The following FAM234A variants were observed in gnomAD, a reference collection of about 807,000 sequenced individuals.
The protein encoded by FAM234A is protein FAM234A.
A neutral mutation model predicts 49.1 loss-of-function variants in FAM234A; 42 were observed. That is an observed-to-expected ratio of 0.86 (90% confidence interval 0.67 to 1.11). FAM234A has a LOEUF of 1.11. FAM234A is among the 50% of genes least tolerant of loss of function. FAM234A has a pLI of 0.00. For missense variants in FAM234A, 815 were observed against 745.2 expected, an observed-to-expected ratio of 1.09 and a Z score of -1.09; for synonymous variants, 369 against 316.2, an observed-to-expected ratio of 1.17 and a Z score of -1.77.
intron 2 of FAM234A, among the ~76,000 whole-genome samples, chr16:251,900 G>T (rs1863240991): frequency 6.6e-6 from 1 of 150,666 alleles, no homozygotes; most frequent in Admixed American, 6.6e-5. Context: ...CTATTCGGGA[G>T]GCTGAGGCAG....
chr16:249,241 C>T (rs2050914920), intron 1 of FAM234A, among the ~76,000 whole-genome samples: 1 of 151,894 alleles, frequency 6.6e-6, no homozygotes, highest in African/African-American at 2.4e-5. Flanking sequence ...CAGGAGATGT[C>T]TGGCCATCAT....
chr16:236,774 C>T (rs1386853915), intron 1 of FAM234A, among the ~76,000 whole-genome samples: 28 of 127,874 alleles, frequency 2.2e-4, no homozygotes, highest in African/African-American at 6.2e-4. Context: ...GGCGAGGTGG[C>T]GGGCGCCTGT....
At position 262,224 on chromosome 16, in the gene FAM234A, CG is replaced by C. The variant is rs749863745; in HGVS notation, c.841+1del. On this transcript the variant is annotated frameshift_variant and splice_region_variant, in exon 7 of 13. Transcript: ENST00000399932. LOFTEE classifies it high-confidence loss of function. ...GTGCCCACTACATCCTCTTTCCCTG[CG>C]GTACGTTGTTTCTGCCACATCCCTG... ...TGAHYILFPC[A>X]SSLCGCSVKG... 1 of 1,613,612 alleles carries C rather than the reference CG, an allele frequency of 6.2e-7. No homozygotes were observed. The highest frequency in any genetic ancestry group is 1.3e-5 in the African/African-American group (1 of 74,944).
intron 9 of FAM234A, 58 bp downstream of exon 9, chr16:263,460 A>G (rs1178527473): frequency 1.3e-6 from 2 of 1,590,684 alleles, no homozygotes; most frequent in Non-Finnish European, 1.7e-6. Context: ...CATCCCGGGC[A>G]CATCCCGTTG....
intron 1 of FAM234A, among the ~76,000 whole-genome samples, chr16:238,787 G>GAAAAAA (rs1384872718): frequency 3.9e-5 from 3 of 76,236 alleles, no homozygotes; most frequent in Non-Finnish European, 8.0e-5. Flanking sequence ...AAAAAAAAAA[G>GAAAAAA]AAAAAAAAAA....
chr16:265,567 C>T lies in FAM234A; in HGVS notation c.*545C>T. ...GGAACCTGAGACAGCTCCAGCTTCG[C>T]AGCCCTTCCCGGAGCTACAGGGGGA... On this transcript the variant is annotated 3_prime_UTR_variant, in exon 13 of 13. Transcript: ENST00000399932. 1.0e-6 allele frequency: 1 copy of T among 985,888 alleles called. No homozygotes were observed. The highest frequency in any genetic ancestry group is 1.2e-6 in the Non-Finnish European group (1 of 830,286). 61.1% of individuals were successfully genotyped at this position (985,888 alleles called of 1,614,324 possible).
chr16:248,846 C>A (rs2050903412), intron 1 of FAM234A, among the ~76,000 whole-genome samples: 1 of 151,984 alleles, frequency 6.6e-6, no homozygotes, highest in Non-Finnish European at 1.5e-5. Flanking sequence ...GTCTCAAACT[C>A]CTAGGCTCAA....
chr16:269,884 G>A, downstream of FAM234A: 2 of 351,652 alleles, frequency 5.7e-6, no homozygotes, highest in Middle Eastern at 8.1e-4. Context: ...ATGGCTCCGT[G>A]TGCCCCACAG....
chr16:250,468 C>G (rs765956784), intron 2 of FAM234A, among the ~76,000 whole-genome samples: 1 of 151,980 alleles, frequency 6.6e-6, no homozygotes, highest in African/African-American at 2.4e-5. Flanking sequence ...GGTCCTTGGT[C>G]GCGACTCATT....
chr16:240,535 T>A (rs2050576216), intron 1 of FAM234A, among the ~76,000 whole-genome samples: 1 of 151,226 alleles, frequency 6.6e-6, no homozygotes, highest in African/African-American at 2.4e-5. Context: ...AGAGTCTTGC[T>A]CTTGTTGCCA....
rs57782738 is a variant in FAM234A at position 250,097 on chromosome 16, A to G, written c.-34+443A>G. 5.1e-3 allele frequency among the ~76,000 whole-genome samples: 783 copies of G among 152,236 alleles called. 42 individuals are homozygous for G. In the East Asian group the frequency reaches 0.11, roughly 22 times the overall value. ...TAGGCGCATGCCGCCACACCCAGCT[A>G]ATTTTTTGTATTCTTAGTAGAGACG... On this transcript the variant is annotated intron_variant, in intron 2 of 12. Transcript: ENST00000399932.
chr16:246,282 G>A (rs1364364763), intron 1 of FAM234A, among the ~76,000 whole-genome samples: 4 of 148,660 alleles, frequency 2.7e-5, no homozygotes, highest in Non-Finnish European at 5.9e-5. Context: ...TTGATTGGTG[G>A]ATTTTTTTTT....
chr16:253,106 G>T (rs771147208), intron 2 of FAM234A, among the ~76,000 whole-genome samples: 3 of 152,224 alleles, frequency 2.0e-5, no homozygotes, highest in Admixed American at 6.5e-5. Flanking sequence ...CTCAGGCTGG[G>T]TGGTGGTGGT....
At position 254,687 on chromosome 16, in the gene FAM234A, C is replaced by G. The variant is rs1173856845; in HGVS notation, c.268+6C>G. On this transcript the variant is annotated splice_donor_region_variant and intron_variant, in intron 3 of 12. Transcript: ENST00000399932. Reference sequence around the variant, plus strand: ...GATAGACTACAGTGCCGCTGGTGAGCCTCGGCTTCCCCGCCCAGTGGGGTC... The same window carrying G: ...GATAGACTACAGTGCCGCTGGTGAGGCTCGGCTTCCCCGCCCAGTGGGGTC... 3.1e-6 allele frequency: 5 copies of G among 1,612,574 alleles called. No individual in the cohort carries two copies. The highest frequency in any genetic ancestry group is 2.2e-5 in the South Asian group (2 of 90,998).
At chr16:269,609 CT>C, downstream of FAM234A, 1 of 1,571,592 alleles carries the variant, frequency 6.4e-7, no homozygotes, top group Non-Finnish European at 8.7e-7. Flanking sequence ...CGTCCAGCCC[CT>C]GACCCTTCTG....
At chr16:268,563 A>G, downstream of FAM234A, 1 of 600,720 alleles carries the variant, frequency 1.7e-6, no homozygotes, top group Non-Finnish European at 3.0e-6. Flanking sequence ...GCAAGGATCC[A>G]CCCTATGGAA....
chr16:259,079 C>T (rs2051353097), intron 3 of FAM234A, among the ~76,000 whole-genome samples: 1 of 152,182 alleles, frequency 6.6e-6, no homozygotes, highest in Non-Finnish European at 1.5e-5. Context: ...CCTTGCCCGG[C>T]CAACTTCACT....
chr16:265,447 G>T lies in FAM234A; in HGVS notation c.*425G>T. ...AACCAGGGTGTCCCCGGGACAGGCC[G>T]TCCCCCACCCCATCCTGTAGAAGTC... On this transcript the variant is annotated 3_prime_UTR_variant, in exon 13 of 13. Coordinates refer to ENST00000399932, the MANE Select transcript of FAM234A (RefSeq NM_032039.4). The T allele has an allele frequency of 1.0e-6, 1 of 1,000,256 alleles. No individual in the cohort carries two copies. Among genetic ancestry groups the T allele is most frequent in the African/African-American group, 1.7e-5 (1 of 57,744 alleles). The allele number at this position is 1,000,256 out of a possible 1,614,324, so 62.0% of individuals were successfully genotyped here.
chr16:256,248 T>C (rs1384617951), intron 3 of FAM234A, among the ~76,000 whole-genome samples: 1 of 152,248 alleles, frequency 6.6e-6, no homozygotes, highest in African/African-American at 2.4e-5. Flanking sequence ...AACCCTATGG[T>C]AAGTTTATGT....
Sources: gnomAD v4.1 joint callset for allele counts (sites outside exome capture counted in the v4.1 genomes callset) on GRCh38, gnomAD v4.1.1 for gene constraint, MANE v1.5 for transcripts, NCBI Gene and HGNC (gene_info 2026-07-23, HGNC 2026-07-21) for gene names.